Variants in CPXM2 observed in about 807,000 individuals in gnomAD.
CPXM2 encodes the protein carboxypeptidase X, M14 family member 2.
Under a neutral mutation model 86.1 loss-of-function variants are expected in CPXM2, and 66 were observed. The observed-to-expected ratio is 0.77, with a 90% CI of 0.63 to 0.94. CPXM2 has a LOEUF of 0.94. CPXM2 is among the 40% of genes least tolerant of loss of function. The probability of loss-of-function intolerance (pLI) is 0.00; values close to 1 mark genes in which losing one functional copy is unlikely to be tolerated. For synonymous variants in CPXM2, 388 were observed against 400.2 expected (o/e 0.97, Z 0.36); for missense variants, 948 against 1,026.3 (o/e 0.92, Z 1.04).
chr10:123,866,009 C>G (rs1848971181), intron 2 of CPXM2, among the ~76,000 whole-genome samples: 1 of 152,144 alleles, frequency 6.6e-6, no homozygotes, highest in Non-Finnish European at 1.5e-5. Flanking sequence ...CCACACCACA[C>G]ACAGCCCTGG....
At chr10:123,766,872 A>T (rs1846488255) in intron 10 of CPXM2, 101 bp downstream of exon 10, 1 of 947,394 alleles carries the variant, frequency 1.1e-6, no homozygotes, top group Non-Finnish European at 1.6e-6. Flanking sequence ...AAAGAAAAAA[A>T]CAGTTTTGTC....
intron 4 of CPXM2, among the ~76,000 whole-genome samples, chr10:123,830,049 G>A (rs756774478): frequency 6.6e-6 from 1 of 151,738 alleles, no homozygotes; most frequent in Non-Finnish European, 1.5e-5. Context: ...AATAATAAAT[G>A]TACTAGAAGA....
chr10:123,806,846 C>A (rs959424319), intron 4 of CPXM2, among the ~76,000 whole-genome samples: 1 of 152,004 alleles, frequency 6.6e-6, no homozygotes, highest in South Asian at 2.1e-4. Context: ...CCCCATGATC[C>A]GGTCACCTCC....
intron 4 of CPXM2, among the ~76,000 whole-genome samples, chr10:123,804,440 C>G (rs555849069): frequency 1.4e-4 from 22 of 152,162 alleles, no homozygotes; most frequent in African/African-American, 5.3e-4. Context: ...TAGCTTTATT[C>G]CTGGGTAGCT....
upstream of CPXM2, among the ~76,000 whole-genome samples, chr10:123,896,887 C>T (rs966889410): frequency 6.6e-6 from 1 of 152,236 alleles, no homozygotes; most frequent in Non-Finnish European, 1.5e-5. Flanking sequence ...TCTGTTTGCA[C>T]TGCCTCTGGT....
chr10:123,880,640 T>C (rs186778974), intron 1 of CPXM2, among the ~76,000 whole-genome samples: 33 of 151,978 alleles, frequency 2.2e-4, no homozygotes, highest in South Asian at 4.2e-4. Flanking sequence ...CCATCCTGGC[T>C]AACACGGTGA....
intron 2 of CPXM2, among the ~76,000 whole-genome samples, chr10:123,912,308 CGGGGGGG>C (rs147794681): frequency 3.8e-4 from 15 of 39,528 alleles, no homozygotes; most frequent in African/African-American, 1.7e-3. Flanking sequence ...AGATGGTGGG[CGGGGGGG>C]GGGGGGCAGG....
chr10:123,818,147 T>G (rs932009087), intron 4 of CPXM2, among the ~76,000 whole-genome samples: 50 of 152,176 alleles, frequency 3.3e-4, no homozygotes, highest in African/African-American at 1.2e-3. Flanking sequence ...CACCAACAGG[T>G]GACCTCAGCA....
At chr10:123,837,952 C>T (rs1239675109) in intron 4 of CPXM2, among the ~76,000 whole-genome samples, 1 of 152,188 alleles carries the variant, frequency 6.6e-6, no homozygotes, top group Non-Finnish European at 1.5e-5. Context: ...CCCCTGTGCC[C>T]ATTTACCATG....
At chr10:123,766,274 C>T (rs1290590737) in intron 10 of CPXM2, among the ~76,000 whole-genome samples, 8 of 152,182 alleles carry the variant, frequency 5.3e-5, no homozygotes, top group Non-Finnish European at 1.2e-4. Context: ...ACGCCCTTGG[C>T]TGGCTTCCAG....
chr10:123,799,713 C>T (rs1174601066), intron 4 of CPXM2, among the ~76,000 whole-genome samples: 1 of 152,180 alleles, frequency 6.6e-6, no homozygotes, highest in Non-Finnish European at 1.5e-5. Context: ...TACTGAGTTT[C>T]TCCTTGGCTG....
intron 4 of CPXM2, among the ~76,000 whole-genome samples, chr10:123,806,512 T>C (rs907267527): frequency 6.6e-6 from 1 of 152,184 alleles, no homozygotes; most frequent in African/African-American, 2.4e-5. Context: ...TATATTAATG[T>C]ATGAATTGAG....
chr10:123,862,730 A>G lies in CPXM2; in HGVS notation c.404-7T>C, dbSNP rs1034714300. The G allele has an allele frequency of 1.4e-5, 21 of 1,505,674 alleles. No individual in the cohort carries two copies. The highest frequency in any genetic ancestry group is 1.8e-5 in the Non-Finnish European group (21 of 1,135,392). 93.3% of individuals were successfully genotyped at this position (1,505,674 alleles called of 1,614,324 possible). On this transcript the variant is annotated splice_polypyrimidine_tract_variant and splice_region_variant and intron_variant, in intron 2 of 13. Transcript: ENST00000241305. Reference sequence around the variant, plus strand: ...AGACCAAGAGGTGGGCAACCTGGAAAGGACAAATGCTTGTTAAAAACAACG... The same window carrying G: ...AGACCAAGAGGTGGGCAACCTGGAAGGGACAAATGCTTGTTAAAAACAACG...
At chr10:123,860,039 G>A (rs1030922841) in intron 3 of CPXM2, among the ~76,000 whole-genome samples, 1 of 152,160 alleles carries the variant, frequency 6.6e-6, no homozygotes, top group Non-Finnish European at 1.5e-5. Context: ...TGCACACCAG[G>A]GGCTGGGCAA....
intron 2 of CPXM2, among the ~76,000 whole-genome samples, chr10:123,923,616 C>T (rs976907015): frequency 6.6e-6 from 1 of 151,994 alleles, no homozygotes; most frequent in Non-Finnish European, 1.5e-5. Flanking sequence ...TCTTAGGACA[C>T]GTGAGGAAAT....
intron 6 of CPXM2, among the ~76,000 whole-genome samples, chr10:123,795,814 C>T (rs998587452): frequency 1.3e-5 from 2 of 152,160 alleles, no homozygotes; most frequent in South Asian, 2.1e-4. Context: ...TTTAAAGGCC[C>T]TCCAGGGCCC....
intron 2 of CPXM2, among the ~76,000 whole-genome samples, chr10:123,918,057 T>G (rs1945548612): frequency 6.6e-6 from 1 of 152,138 alleles, no homozygotes; most frequent in South Asian, 2.1e-4. Context: ...AAGGACCCAT[T>G]CACAAGAAAA....
At chr10:123,853,753 A>C (rs938687129) in intron 3 of CPXM2, among the ~76,000 whole-genome samples, 5 of 152,054 alleles carry the variant, frequency 3.3e-5, no homozygotes, top group African/African-American at 1.2e-4. Context: ...AAACATACAA[A>C]AATTAGCTGG....
At chr10:123,831,518 A>T (rs1183933119) in intron 4 of CPXM2, among the ~76,000 whole-genome samples, 1 of 152,164 alleles carries the variant, frequency 6.6e-6, no homozygotes, top group Non-Finnish European at 1.5e-5. Flanking sequence ...ACTATTGCTG[A>T]CACAAACTTA....
Sources: gnomAD v4.1 joint callset for allele counts (sites outside exome capture counted in the v4.1 genomes callset) on GRCh38, gnomAD v4.1.1 for gene constraint, MANE v1.5 for transcripts, NCBI Gene and HGNC (gene_info 2026-07-23, HGNC 2026-07-21) for gene names.